The following NTRK2 variants were observed in gnomAD, a reference collection of about 807,000 sequenced individuals.
NTRK2 encodes the protein BDNF/NT-3 growth factors receptor.
A neutral mutation model predicts 94.5 loss-of-function variants in NTRK2; 13 were observed. That is an observed-to-expected ratio of 0.14 (90% CI 0.09 to 0.22). The LOEUF (loss-of-function observed/expected upper bound fraction) is 0.22, where lower values mean the gene tolerates loss of function less well. Ranked by LOEUF, NTRK2 falls within the 10% of genes least tolerant of loss-of-function variation. The pLI is 1.00. For missense variants in NTRK2, 639 were observed against 1,071.2 expected (o/e 0.60, Z 5.63); for synonymous variants, 372 against 407.4 (o/e 0.91, Z 1.05).
In NTRK2 at chr9:85,022,547, A is replaced by G. The variant is rs1305049714; in HGVS notation, c.*1110A>G. The G allele has an allele frequency of 8.6e-6, 2 of 233,146 alleles. No homozygotes were observed. Among genetic ancestry groups the G allele is most frequent in the Non-Finnish European group, 8.5e-6 (1 of 118,040 alleles). 14.4% of individuals were successfully genotyped at this position (233,146 alleles called of 1,614,324 possible). A position where few individuals can be genotyped will look rare whatever the true frequency, so the allele number is the denominator to read the frequency against. ...ATAAATTCGGAGGCAAGTTTCTTTT[A>G]CAATGAACTTTTCAGATCTCACTTC... On this transcript the variant is annotated 3_prime_UTR_variant, in exon 19 of 19. Transcript: ENST00000277120.
At chr9:84,878,878 C>T (rs2076170067) in intron 14 of NTRK2, among the ~76,000 whole-genome samples, 1 of 152,136 alleles carries the variant, frequency 6.6e-6, no homozygotes, top group Admixed American at 6.5e-5. Flanking sequence ...ACATAAACTT[C>T]TCAGTGGATT....
intron 17 of NTRK2, among the ~76,000 whole-genome samples, chr9:84,993,486 A>G (rs1829348829): frequency 6.6e-6 from 1 of 152,200 alleles, no homozygotes; most frequent in Non-Finnish European, 1.5e-5. Context: ...TGCTACCAGC[A>G]TCCTACTCTG....
chr9:84,921,820 T>C (rs2077576565), intron 14 of NTRK2, among the ~76,000 whole-genome samples: 1 of 152,178 alleles, frequency 6.6e-6, no homozygotes, highest in Non-Finnish European at 1.5e-5. Flanking sequence ...GTTATAAGCA[T>C]ATTCATTAGA....
At chr9:84,894,840 A>G (rs1227530159) in intron 14 of NTRK2, among the ~76,000 whole-genome samples, 1 of 152,222 alleles carries the variant, frequency 6.6e-6, no homozygotes, top group Non-Finnish European at 1.5e-5. Flanking sequence ...CTTTTCCTCT[A>G]ATTAGCTACA....
At chr9:84,893,885 A>C (rs2076670338) in intron 14 of NTRK2, among the ~76,000 whole-genome samples, 1 of 152,208 alleles carries the variant, frequency 6.6e-6, no homozygotes, top group Non-Finnish European at 1.5e-5. Flanking sequence ...TTCTTTTGAC[A>C]ACAAGAAACA....
intron 14 of NTRK2, among the ~76,000 whole-genome samples, chr9:84,900,559 A>G (rs2076895936): frequency 6.6e-6 from 1 of 152,224 alleles, no homozygotes; most frequent in Non-Finnish European, 1.5e-5. Flanking sequence ...TACAGCATCC[A>G]TATCTCTCAG....
intron 2 of NTRK2, among the ~76,000 whole-genome samples, chr9:84,675,517 C>A (rs372059678): frequency 6.6e-6 from 1 of 151,854 alleles, no homozygotes; most frequent in African/African-American, 2.4e-5. Flanking sequence ...AAAGCTATAG[C>A]GTAGGATGTG....
chr9:85,001,124 C>A (rs1830293237), intron 17 of NTRK2, among the ~76,000 whole-genome samples: 1 of 152,140 alleles, frequency 6.6e-6, no homozygotes, highest in African/African-American at 2.4e-5. Context: ...TCAAAGCTTC[C>A]CCATCTGGTG....
At chr9:84,728,030 A>G in intron 9 of NTRK2, 71 bp downstream of exon 9, 3 of 1,428,374 alleles carry the variant, frequency 2.1e-6, no homozygotes, top group Non-Finnish European at 2.9e-6. Context: ...AAAATCATGT[A>G]TACAATAAGC....
intron 12 of NTRK2, among the ~76,000 whole-genome samples, chr9:84,801,966 T>C (rs528784818): frequency 1.1e-4 from 16 of 152,366 alleles, no homozygotes; most frequent in Admixed American, 9.8e-4. Flanking sequence ...GTCCATCACA[T>C]GTTTTTCAAG....
intron 14 of NTRK2, among the ~76,000 whole-genome samples, chr9:84,893,069 T>G: frequency 6.6e-6 from 1 of 152,114 alleles, no homozygotes; most frequent in East Asian, 1.9e-4. Flanking sequence ...GCCTTACATG[T>G]ACTATTCTAT....
intron 12 of NTRK2, among the ~76,000 whole-genome samples, chr9:84,836,917 T>C (rs2073903304): frequency 6.9e-6 from 1 of 144,462 alleles, no homozygotes; most frequent in Admixed American, 7.2e-5. Flanking sequence ...GATAATAGAT[T>C]GAGAGCTTGT....
intron 14 of NTRK2, among the ~76,000 whole-genome samples, chr9:84,923,938 A>G (rs1222504010): frequency 6.6e-6 from 1 of 151,776 alleles, no homozygotes; most frequent in Non-Finnish European, 1.5e-5. Context: ...CAAACAAACA[A>G]ACAAAAAACT....
At chr9:84,774,714 T>C (rs2066868310) in intron 12 of NTRK2, among the ~76,000 whole-genome samples, 1 of 152,198 alleles carries the variant, frequency 6.6e-6, no homozygotes, top group Non-Finnish European at 1.5e-5. Flanking sequence ...TATTATAGGG[T>C]CCATAGGAAT....
intron 12 of NTRK2, among the ~76,000 whole-genome samples, chr9:84,755,202 C>G (rs1469810367): frequency 6.6e-6 from 1 of 152,174 alleles, no homozygotes; most frequent in African/African-American, 2.4e-5. Flanking sequence ...GGTCTGTAAG[C>G]TTCGTCGGGT....
chr9:85,003,962 TG>T (rs1830599054), intron 17 of NTRK2, among the ~76,000 whole-genome samples: 1 of 97,906 alleles, frequency 1.0e-5, no homozygotes, highest in South Asian at 3.6e-4. Flanking sequence ...TTGGTGGTGA[TG>T]GTTGTGCTAT....
intron 12 of NTRK2, among the ~76,000 whole-genome samples, chr9:84,779,868 T>C (rs894581462): frequency 6.6e-6 from 1 of 152,194 alleles, no homozygotes; most frequent in Non-Finnish European, 1.5e-5. Flanking sequence ...CCTTCTGTAT[T>C]CCTGTTTACT....
chr9:84,807,597 A>G (rs1045930374), intron 12 of NTRK2, among the ~76,000 whole-genome samples: 2 of 152,220 alleles, frequency 1.3e-5, no homozygotes, highest in Non-Finnish European at 2.9e-5. Flanking sequence ...CAAAATATCT[A>G]TATTTCAGGC....
chr9:84,998,055 A>G (rs1357156943), intron 17 of NTRK2, among the ~76,000 whole-genome samples: 1 of 152,204 alleles, frequency 6.6e-6, no homozygotes, highest in Non-Finnish European at 1.5e-5. Context: ...ATGCTGAGAT[A>G]CGAAGCTCAG....
Sources: gnomAD v4.1 joint callset for allele counts (sites outside exome capture counted in the v4.1 genomes callset) on GRCh38, gnomAD v4.1.1 for gene constraint, MANE v1.5 for transcripts, NCBI Gene and HGNC (gene_info 2026-07-23, HGNC 2026-07-21) for gene names.